The following AGTPBP1 variants were observed in gnomAD, a reference collection of about 807,000 sequenced individuals.
The protein encoded by AGTPBP1 is ATP/GTP binding carboxypeptidase 1, also known as cytosolic carboxypeptidase 1.
In AGTPBP1, 70 loss-of-function variants were observed where a neutral mutation model predicts 143.9. The observed-to-expected ratio is 0.49, with a 90% confidence interval of 0.40 to 0.59. The LOEUF (loss-of-function observed/expected upper bound fraction) is 0.59, where lower values mean the gene tolerates loss of function less well. AGTPBP1 is among the 20% of genes least tolerant of loss of function. The pLI is 0.00. For missense variants in AGTPBP1, 1,229 were observed against 1,464.5 expected (o/e 0.84, Z 2.62); for synonymous variants, 463 against 500.2 (o/e 0.93, Z 0.99).
chr9:85,616,243 C>T (rs1034637278), intron 17 of AGTPBP1, among the ~76,000 whole-genome samples: 1 of 151,690 alleles, frequency 6.6e-6, no homozygotes, highest in Non-Finnish European at 1.5e-5. Context: ...GTGTGATATA[C>T]ATACAAGAAT....
chr9:85,609,290 C>CTTTTTT (rs71370873), intron 17 of AGTPBP1, among the ~76,000 whole-genome samples: 1 of 134,274 alleles, frequency 7.4e-6, no homozygotes. Flanking sequence ...GTGTACAGAT[C>CTTTTTT]TTTTTTTTTT....
chr9:85,690,771 T>C (rs886428029), intron 3 of AGTPBP1, among the ~76,000 whole-genome samples: 4 of 151,080 alleles, frequency 2.6e-5, no homozygotes, highest in Non-Finnish European at 5.9e-5. Context: ...GGGAAGAGGG[T>C]CATTCTCTGA....
upstream of AGTPBP1, chr9:85,742,140 C>T: frequency 1.3e-6 from 1 of 786,778 alleles, no homozygotes; most frequent in Non-Finnish European, 1.6e-6. Flanking sequence ...CCTCTCTGCG[C>T]GCCTGACGGG....
At chr9:85,556,726 A>T (rs1826368728) in intron 25 of AGTPBP1, among the ~76,000 whole-genome samples, 1 of 152,214 alleles carries the variant, frequency 6.6e-6, no homozygotes, top group South Asian at 2.1e-4. Context: ...CAAAGAAGAG[A>T]CATTTTATGA....
At chr9:85,599,958 C>G (rs1829558182) in intron 17 of AGTPBP1, among the ~76,000 whole-genome samples, 1 of 152,160 alleles carries the variant, frequency 6.6e-6, no homozygotes, top group Non-Finnish European at 1.5e-5. Flanking sequence ...GATGCATGAT[C>G]CTGGCCAGAC....
At chr9:85,618,842 G>T (rs368139761) in intron 17 of AGTPBP1, 141 bp downstream of exon 17, 4 of 878,196 alleles carry the variant, frequency 4.6e-6, no homozygotes, top group East Asian at 2.7e-5. Context: ...TTCAAATGTT[G>T]CATAATATCT....
Position 85,588,446 on chromosome 9 carries a change from C to G in AGTPBP1, c.2755G>C (p.Val919Leu), listed in dbSNP as rs1465267871. Reference sequence around the variant, plus strand: ...CTTGCATTAGTTTCTCCAGGATGTACCCGAGCAGACAAGAAAACGTAAGGG... The same window carrying G: ...CTTGCATTAGTTTCTCCAGGATGTAGCCGAGCAGACAAGAAAACGTAAGGG... ...NRPYVFLSAR[V>L]HPGETNASWV... is the part of the protein sequence containing the mutation. The change falls in exon 21 of 26, where the codon GTA (valine) becomes CTA (leucine). Residue 919 changes from valine to leucine, a missense_variant. By Grantham distance (32) the Val-to-Leu change is conservative. Transcript: ENST00000357081. 6.2e-7 allele frequency: 1 copy of G among 1,612,004 alleles called. No individual in the cohort carries two copies.
the AGTPBP1 span, among the ~76,000 whole-genome samples, chr9:85,803,612 G>C: frequency 6.6e-6 from 1 of 152,324 alleles, no homozygotes; most frequent in African/African-American, 2.4e-5. Flanking sequence ...GCGAGACTCT[G>C]AAGAGGGTGT....
At chr9:85,613,333 T>C (rs1213100208) in intron 17 of AGTPBP1, among the ~76,000 whole-genome samples, 3 of 151,112 alleles carry the variant, frequency 2.0e-5, no homozygotes, top group African/African-American at 7.3e-5. Context: ...AAGAGAGAAA[T>C]TAATAAGTAT....
intron 17 of AGTPBP1, among the ~76,000 whole-genome samples, chr9:85,612,509 A>G (rs951457469): frequency 2.0e-5 from 3 of 152,142 alleles, no homozygotes; most frequent in Non-Finnish European, 4.4e-5. Context: ...TGAATCCTTA[A>G]ATCTATCCTT....
chr9:85,647,962 G>A (rs1202490762), intron 11 of AGTPBP1, among the ~76,000 whole-genome samples: 1 of 152,128 alleles, frequency 6.6e-6, no homozygotes, highest in African/African-American at 2.4e-5. Flanking sequence ...AGACAAGAAT[G>A]GCTTAATTCA....
chr9:85,676,694 T>G (rs995274204), intron 6 of AGTPBP1, among the ~76,000 whole-genome samples: 2 of 152,140 alleles, frequency 1.3e-5, no homozygotes, highest in East Asian at 1.9e-4. Context: ...TGGGTATATA[T>G]CCAAACGAAA....
chr9:85,743,594 AT>A (rs1353328057), upstream of AGTPBP1, among the ~76,000 whole-genome samples: 1 of 152,196 alleles, frequency 6.6e-6, no homozygotes, highest in Non-Finnish European at 1.5e-5. Context: ...CAAACACCAT[AT>A]ATATGTTACT....
chr9:85,573,506 A>G (rs140092596), intron 25 of AGTPBP1, among the ~76,000 whole-genome samples: 2,126 of 152,214 alleles, frequency 0.014, 22 homozygotes, highest in Non-Finnish European at 0.023. Flanking sequence ...CCGAGATTGC[A>G]GCCTCTGCCT....
At chr9:85,674,158 T>C (rs540732038) in intron 6 of AGTPBP1, among the ~76,000 whole-genome samples, 2 of 132,712 alleles carry the variant, frequency 1.5e-5, no homozygotes, top group South Asian at 4.8e-4. Flanking sequence ...ACAAAGTAAA[T>C]AGGACCAGCA....
chr9:85,589,039 C>T (rs953724990), intron 20 of AGTPBP1, among the ~76,000 whole-genome samples: 10 of 151,954 alleles, frequency 6.6e-5, no homozygotes, highest in East Asian at 1.9e-4. Context: ...TGAAATACTT[C>T]GCCTTCTTAT....
chr9:85,771,801 G>A, the AGTPBP1 span, among the ~76,000 whole-genome samples: 6 of 151,658 alleles, frequency 4.0e-5, no homozygotes, highest in African/African-American at 9.7e-5. Flanking sequence ...ACAAGTGCCC[G>A]CCACCACGCC....
At position 85,601,031 on chromosome 9, in the gene AGTPBP1, T is replaced by C. The variant is rs988732191; in HGVS notation, c.2336-4582A>G. ...CAAAGCACAATTCCCTGGTAGCAAC[T>C]CCATTGCCCTTATTGCCCTTGGCAG... On this transcript the variant is annotated intron_variant, in intron 17 of 25. Coordinates refer to ENST00000357081, the MANE Select transcript of AGTPBP1 (RefSeq NM_001330701.2). Among the ~76,000 whole-genome samples, 10 of 152,106 alleles carry C rather than the reference T, an allele frequency of 6.6e-5. No homozygotes were observed. In the East Asian group the frequency reaches 1.5e-3, roughly 23 times the overall value.
chr9:85,604,179 T>C (rs1192617552), intron 17 of AGTPBP1, among the ~76,000 whole-genome samples: 1 of 152,186 alleles, frequency 6.6e-6, no homozygotes, highest in Non-Finnish European at 1.5e-5. Flanking sequence ...AGTGCTATGC[T>C]GGCTTTGTGT....
Sources: gnomAD v4.1 joint callset for allele counts (sites outside exome capture counted in the v4.1 genomes callset) on GRCh38, gnomAD v4.1.1 for gene constraint, MANE v1.5 for transcripts, NCBI Gene and HGNC (gene_info 2026-07-23, HGNC 2026-07-21) for gene names.